Variants in FAM149B1 observed in about 807,000 individuals in gnomAD.
The protein encoded by FAM149B1 is primary cilium assembly protein FAM149B1.
A neutral mutation model predicts 75.3 loss-of-function variants in FAM149B1; 56 were observed. The observed-to-expected ratio is 0.74, with a 90% CI of 0.60 to 0.93. The LOEUF (loss-of-function observed/expected upper bound fraction) is 0.93, where lower values mean the gene tolerates loss of function less well. FAM149B1 is among the 40% of genes least tolerant of loss of function. The pLI is 0.00. For synonymous variants in FAM149B1, 259 were observed against 256.1 expected (o/e 1.01, Z -0.11); for missense variants, 639 against 708.4 (o/e 0.90, Z 1.11).
intron 2 of FAM149B1, among the ~76,000 whole-genome samples, chr10:73,177,346 G>C (rs1224694747): frequency 6.6e-6 from 1 of 151,818 alleles, no homozygotes; most frequent in African/African-American, 2.4e-5. Context: ...AGGCTGAGGT[G>C]GGCAGATTGC....
intron 5 of FAM149B1, among the ~76,000 whole-genome samples, chr10:73,204,996 T>C (rs867344063): frequency 3.0e-4 from 35 of 117,818 alleles, no homozygotes; most frequent in South Asian, 1.4e-3. Context: ...TTTTTTTTTT[T>C]AGTAGAGACA....
chr10:73,198,441 C>T (rs2042856862), intron 5 of FAM149B1, among the ~76,000 whole-genome samples: 1 of 152,132 alleles, frequency 6.6e-6, no homozygotes, highest in Admixed American at 6.5e-5. Flanking sequence ...AAAATATTTG[C>T]AAATCATATC....
At position 73,243,296 on chromosome 10, in the gene FAM149B1, C is replaced by G. The variant is rs944366962; in HGVS notation, c.*2277C>G. ...CTGAAAAATTCAGGCTGGAAAGACA[C>G]CTTTTCTCAAGAGCTGAATTGACTT... is the stretch of plus-strand genomic sequence containing the variant. On this transcript the variant is annotated 3_prime_UTR_variant, in exon 14 of 14. Coordinates refer to ENST00000242505, the MANE Select transcript of FAM149B1 (RefSeq NM_173348.2). 1.1e-4 allele frequency: 149 copies of G among 1,328,244 alleles called. No homozygotes were observed. Among genetic ancestry groups the G allele is most frequent in the South Asian group, 2.0e-4 (15 of 75,002 alleles). 82.3% of individuals were successfully genotyped at this position (1,328,244 alleles called of 1,614,324 possible). A position where few individuals can be genotyped will look rare whatever the true frequency, so the allele number is the denominator to read the frequency against.
rs58789385 is a variant in FAM149B1, at chr10:73,195,043, A to T, written c.542+1450A>T. Among the ~76,000 whole-genome samples the T allele has an allele frequency of 9.0e-4, 137 of 152,360 alleles. 1 individual carries two copies. The highest frequency in any genetic ancestry group is 3.2e-3 in the African/African-American group (133 of 41,580). On this transcript the variant is annotated intron_variant, in intron 5 of 13. Coordinates refer to ENST00000242505, the MANE Select transcript of FAM149B1 (RefSeq NM_173348.2). Reference sequence around the variant, plus strand: ...ACCTCAGACTTTTTAAATAGTAGCAAAATAAACCCAAATAGGATTACTTTG... The same window carrying T: ...ACCTCAGACTTTTTAAATAGTAGCATAATAAACCCAAATAGGATTACTTTG...
At chr10:73,169,634 A>AT (rs1224754704) in intron 1 of FAM149B1, among the ~76,000 whole-genome samples, 1 of 150,870 alleles carries the variant, frequency 6.6e-6, no homozygotes, top group Non-Finnish European at 1.5e-5. Context: ...TTAAAAAAAA[A>AT]TTTTTTTTTG....
At chr10:73,219,337 A>G (rs2043358978) in intron 7 of FAM149B1, among the ~76,000 whole-genome samples, 1 of 152,214 alleles carries the variant, frequency 6.6e-6, no homozygotes, top group Admixed American at 6.6e-5. Flanking sequence ...CTCCCCAAAT[A>G]GATCTACAGT....
intron 5 of FAM149B1, chr10:73,201,269 G>T: frequency 4.4e-6 from 1 of 227,436 alleles, no homozygotes. Context: ...GCTCCCTGTT[G>T]TTGAACAGAC....
intron 5 of FAM149B1, among the ~76,000 whole-genome samples, chr10:73,196,174 A>G (rs1049020379): frequency 1.3e-5 from 2 of 152,130 alleles, no homozygotes; most frequent in Admixed American, 6.6e-5. Flanking sequence ...TTCCTTTAAC[A>G]TATGGAATCA....
At chr10:73,215,388 T>TA (rs200402156) in intron 7 of FAM149B1, among the ~76,000 whole-genome samples, 1 of 152,040 alleles carries the variant, frequency 6.6e-6, no homozygotes, top group Admixed American at 6.6e-5. Context: ...TTTTTTTAAT[T>TA]AAAAAAATTT....
At chr10:73,205,447 T>C (rs564784633) in intron 5 of FAM149B1, among the ~76,000 whole-genome samples, 35 of 152,316 alleles carry the variant, frequency 2.3e-4, no homozygotes, top group African/African-American at 7.7e-4. Context: ...AAGCAGATGT[T>C]AGCACTATTA....
chr10:73,234,978 A>G (rs1309506975), intron 11 of FAM149B1, 38 bp downstream of exon 11: 1 of 1,547,666 alleles, frequency 6.5e-7, no homozygotes, highest in Non-Finnish European at 8.7e-7. Flanking sequence ...TGTACTTACC[A>G]TACAACCTAA....
In FAM149B1 at chr10:73,200,246, C is replaced by T. The variant is rs775458812; in HGVS notation, c.542+6653C>T. ...CGGGAGGCTGAGGCAGGAGAATCAT[C>T]GCTTGAACCTGGGAGGCGGAGGTTG... On this transcript the variant is annotated intron_variant, in intron 5 of 13. Transcript: ENST00000242505. 7 of 253,814 alleles carry T rather than the reference C, an allele frequency of 2.8e-5. No homozygotes were observed. In the East Asian group the frequency reaches 4.3e-4, roughly 16 times the overall value. The allele number at this position is 253,814 out of a possible 1,614,324, so 15.7% of individuals were successfully genotyped here. A position where few individuals can be genotyped will look rare whatever the true frequency, so the allele number is the denominator to read the frequency against.
intron 10 of FAM149B1, chr10:73,234,594 G>A (rs2043780616): frequency 7.8e-6 from 4 of 513,278 alleles, no homozygotes; most frequent in South Asian, 6.9e-5. Context: ...GCCAGCTTCT[G>A]TTGTGTACCC....
chr10:73,179,207 C>T (rs1173244714), intron 3 of FAM149B1, among the ~76,000 whole-genome samples: 1 of 152,184 alleles, frequency 6.6e-6, no homozygotes, highest in Non-Finnish European at 1.5e-5. Context: ...TTGTAATCTG[C>T]CCGCCTCAGC....
At chr10:73,238,526 T>A (rs2043874008) in intron 12 of FAM149B1, among the ~76,000 whole-genome samples, 1 of 152,262 alleles carries the variant, frequency 6.6e-6, no homozygotes, top group Non-Finnish European at 1.5e-5. Flanking sequence ...CAAGCTCATT[T>A]ATGTGCTATC....
At chr10:73,197,288 C>A (rs920367663) in intron 5 of FAM149B1, among the ~76,000 whole-genome samples, 1 of 152,228 alleles carries the variant, frequency 6.6e-6, no homozygotes, top group African/African-American at 2.4e-5. Flanking sequence ...CAGGCATGAT[C>A]TGCCATGCCT....
chr10:73,229,087 A>C (rs1317414673), intron 8 of FAM149B1, among the ~76,000 whole-genome samples: 2 of 152,198 alleles, frequency 1.3e-5, no homozygotes. Flanking sequence ...ACCAGGTATA[A>C]AAATCAAACA....
chr10:73,231,662 T>C (rs559729831), intron 9 of FAM149B1, among the ~76,000 whole-genome samples: 2 of 152,242 alleles, frequency 1.3e-5, no homozygotes, highest in South Asian at 4.1e-4. Context: ...TGAAATTCTA[T>C]AGAAATAGAG....
chr10:73,196,861 G>A (rs1371998606), intron 5 of FAM149B1, among the ~76,000 whole-genome samples: 1 of 152,158 alleles, frequency 6.6e-6, no homozygotes, highest in African/African-American at 2.4e-5. Context: ...ATTTGGTTCA[G>A]TTCTCTAGGA....
Sources: gnomAD v4.1 joint callset for allele counts (sites outside exome capture counted in the v4.1 genomes callset) on GRCh38, gnomAD v4.1.1 for gene constraint, MANE v1.5 for transcripts, NCBI Gene and HGNC (gene_info 2026-07-23, HGNC 2026-07-21) for gene names.